CSNK2A1: variants seen among roughly 807,000 people sequenced by gnomAD.
CSNK2A1 encodes the protein casein kinase 2 alpha 1.
A neutral mutation model predicts 62.9 loss-of-function variants in CSNK2A1; 10 were observed. That is an observed-to-expected ratio of 0.16 (90% CI 0.10 to 0.27). The LOEUF (loss-of-function observed/expected upper bound fraction) is 0.27, where lower values mean the gene tolerates loss of function less well. CSNK2A1 is among the 10% of genes least tolerant of loss of function. The pLI, the probability that CSNK2A1 is intolerant of heterozygous loss-of-function variation, is 1.00. For synonymous variants in CSNK2A1, 124 were observed against 167.8 expected, an observed-to-expected ratio of 0.74 and a Z score of 2.02; for missense variants, 160 against 492.0, an observed-to-expected ratio of 0.33 and a Z score of 6.38.
chr20:491,748 C>A (rs1411233354), intron 9 of CSNK2A1, among the ~76,000 whole-genome samples: 2 of 151,888 alleles, frequency 1.3e-5, no homozygotes, highest in African/African-American at 4.8e-5. Context: ...ACAGTGAAAC[C>A]CAGTCTCTAC....
In CSNK2A1 at chr20:482,403, C is replaced by CAAA. The variant is rs2017971846; in HGVS notation, c.*1557_*1558insTTT. 2 of 152,104 alleles carry CAAA rather than the reference C, an allele frequency of 1.3e-5. No homozygotes were observed. Among genetic ancestry groups the CAAA allele is most frequent in the African/African-American group, 4.8e-5 (2 of 41,398 alleles). The allele number at this position is 152,104 out of a possible 1,614,324, so 9.4% of individuals were successfully genotyped here. A position where few individuals can be genotyped will look rare whatever the true frequency, so the allele number is the denominator to read the frequency against. ...GGATTACAGTGGAAAGTCCACTTTACACACACACACAAACACACAAAAACT... is the reference window on the plus strand; with the variant it reads ...GGATTACAGTGGAAAGTCCACTTTACAAAACACACACACAAACACACAAAAACT... On this transcript the variant is annotated 3_prime_UTR_variant, in exon 14 of 14. Transcript: ENST00000217244.
In CSNK2A1 at chr20:481,560, A is replaced by G. The variant is rs1316327037; in HGVS notation, c.*2401T>C. The G allele has an allele frequency of 1.5e-5, 2 of 135,374 alleles. No homozygotes were observed. The highest frequency in any genetic ancestry group is 3.0e-5 in the Non-Finnish European group (2 of 66,188). 8.4% of individuals were successfully genotyped at this position (135,374 alleles called of 1,614,324 possible). ...GCTTCTGCAGTGACTCTTAAGTAGC[A>G]TTTTTAAAAACTTCTATTTATTTTA... On this transcript the variant is annotated 3_prime_UTR_variant, in exon 14 of 14. Coordinates refer to ENST00000217244, the MANE Select transcript of CSNK2A1 (RefSeq NM_177559.3).
At position 481,019 on chromosome 20, in the gene CSNK2A1, C is replaced by T. The variant is rs1357128399; in HGVS notation, c.*2942G>A. The stretch of plus-strand genomic sequence containing the variant: ...GTAAGCTGGACAGGCATTTCAAGTA[C>T]AAGAAACAGAATTCAAAACGTGAAA... On this transcript the variant is annotated 3_prime_UTR_variant, in exon 14 of 14. Transcript: ENST00000217244. 3 of 152,140 alleles carry T rather than the reference C, an allele frequency of 2.0e-5. No individual in the cohort carries two copies. The highest frequency in any genetic ancestry group is 7.2e-5 in the African/African-American group (3 of 41,428). 9.4% of individuals were successfully genotyped at this position (152,140 alleles called of 1,614,324 possible).
intron 2 of CSNK2A1, among the ~76,000 whole-genome samples, chr20:527,535 CCACTATGAAGCA>C (rs2019123097): frequency 6.6e-6 from 1 of 152,180 alleles, no homozygotes; most frequent in Non-Finnish European, 1.5e-5. Context: ...AACTTTACAT[CCACTATGAAGCA>C]CACTATGAAG....
chr20:522,156 A>G (rs1209832728), intron 2 of CSNK2A1, among the ~76,000 whole-genome samples: 3 of 152,214 alleles, frequency 2.0e-5, no homozygotes, highest in African/African-American at 4.8e-5. Context: ...TAGGAGGTGG[A>G]GCTCAATTTT....
In CSNK2A1 at chr20:481,947, T is replaced by C. The variant is rs1235453523; in HGVS notation, c.*2014A>G. ...TACAATAAATATCCACTGTAAGTGG[T>C]CATAAGGAAGAAAATCACCCTGCCA... On this transcript the variant is annotated 3_prime_UTR_variant, in exon 14 of 14. Coordinates refer to ENST00000217244, the MANE Select transcript of CSNK2A1 (RefSeq NM_177559.3). The C allele has an allele frequency of 6.6e-6, 1 of 152,148 alleles. No individual in the cohort carries two copies. The highest frequency in any genetic ancestry group is 2.4e-5 in the African/African-American group (1 of 41,432). The allele number at this position is 152,148 out of a possible 1,614,324, so 9.4% of individuals were successfully genotyped here.
chr20:526,983 G>GAA (rs1491376807), intron 2 of CSNK2A1: 1 of 138,034 alleles, frequency 7.2e-6, no homozygotes, highest in South Asian at 2.5e-4. Flanking sequence ...GAGAGAGAGA[G>GAA]AAAGAGAGAG....
At position 519,818 on chromosome 20, in the gene CSNK2A1, C is replaced by G. The variant is rs2018907797; in HGVS notation, c.-110+8115G>C. ...AAAAGAGGAAAATTTACAGACAGCT[C>G]CAAACAAACACTGATTATACAAAAG... On this transcript the variant is annotated intron_variant, in intron 2 of 13. Coordinates refer to ENST00000217244, the MANE Select transcript of CSNK2A1 (RefSeq NM_177559.3). Among the ~76,000 whole-genome samples the G allele has an allele frequency of 2.0e-5, 3 of 152,046 alleles. No homozygotes were observed. The South Asian group carries it at 6.2e-4, about 32-fold the overall frequency.
chr20:509,778 T>C (rs186687106), intron 2 of CSNK2A1, among the ~76,000 whole-genome samples: 5 of 152,260 alleles, frequency 3.3e-5, no homozygotes, highest in African/African-American at 1.2e-4. Context: ...TGTTTCACCA[T>C]GTTGCCCAGG....
At chr20:542,339 A>G (rs894957323) in intron 1 of CSNK2A1, among the ~76,000 whole-genome samples, 1 of 152,250 alleles carries the variant, frequency 6.6e-6, no homozygotes, top group Non-Finnish European at 1.5e-5. Context: ...CTGATATTTG[A>G]GAACCTAGGC....
intron 2 of CSNK2A1, chr20:526,993 GAGACAGAC>G (rs1449540536): frequency 8.5e-6 from 1 of 117,924 alleles, no homozygotes; most frequent in Non-Finnish European, 1.7e-5. Context: ...GAAAGAGAGA[GAGACAGAC>G]AGAGAGAGAG....
intron 9 of CSNK2A1, 149 bp from the exon 10 acceptor site, chr20:490,030 CTTTCTT>C: frequency 1.6e-6 from 1 of 617,118 alleles, no homozygotes. Context: ...TCTTTTTAGT[CTTTCTT>C]TTTTTTTTTT....
chr20:490,302 C>CAG lies in CSNK2A1; in HGVS notation c.622-423_622-422dup, dbSNP rs552845632. Among the ~76,000 whole-genome samples the CAG allele has an allele frequency of 3.3e-4, 46 of 139,832 alleles. No individual in the cohort carries two copies. In the South Asian group the frequency reaches 8.4e-3, roughly 26 times the overall value. The allele number at this position is 139,832 out of a possible 152,430, so 91.7% of individuals were successfully genotyped here. ...TCAGGTTCCCAAAGTGCTAGGATTA[C>CAG]AGGCATGACCCACCGTGCCTGGCTA... On this transcript the variant is annotated intron_variant, in intron 9 of 13. Coordinates refer to ENST00000217244, the MANE Select transcript of CSNK2A1 (RefSeq NM_177559.3).
intron 2 of CSNK2A1, among the ~76,000 whole-genome samples, chr20:527,648 GTT>G (rs768250585): frequency 6.6e-5 from 10 of 152,204 alleles, no homozygotes; most frequent in South Asian, 2.1e-4. Flanking sequence ...CACTGAATGT[GTT>G]TTGTTTACAT....
intron 2 of CSNK2A1, among the ~76,000 whole-genome samples, chr20:511,703 T>TACAC (rs61288887): frequency 0.011 from 1,727 of 151,016 alleles, 19 homozygotes; most frequent in South Asian, 0.044. Flanking sequence ...TGTATATATA[T>TACAC]ACACACACAC....
intron 13 of CSNK2A1, among the ~76,000 whole-genome samples, chr20:485,086 AAAAAAAAAAAAAAAAAAAAAAAAATAT>A (rs2018047286): frequency 1.1e-4 from 4 of 35,940 alleles, no homozygotes; most frequent in East Asian, 1.5e-3. Flanking sequence ...AAAAAAAAAA[AAAAAAAAAAAAAAAAAAAAAAAAATAT>A]ATATATATAT....
chr20:535,034 CAAAAAAAAAAAA>C (rs11469217), intron 1 of CSNK2A1, among the ~76,000 whole-genome samples: 29 of 50,792 alleles, frequency 5.7e-4, no homozygotes, highest in Admixed American at 2.4e-3. Context: ...TGCTATCTCC[CAAAAAAAAAAAA>C]AAAAAAAAAA....
At chr20:521,653 C>G (rs747287065) in intron 2 of CSNK2A1, among the ~76,000 whole-genome samples, 4 of 152,172 alleles carry the variant, frequency 2.6e-5, no homozygotes, top group Non-Finnish European at 5.9e-5. Flanking sequence ...CAGAAACAAC[C>G]AAGGTGTCCA....
intron 4 of CSNK2A1, 112 bp downstream of exon 4, chr20:505,002 TTTTA>T: frequency 1.2e-6 from 1 of 826,856 alleles, no homozygotes; most frequent in Non-Finnish European, 1.9e-6. Context: ...TACAATAAAA[TTTTA>T]TTTATTTGCT....
Sources: gnomAD v4.1 joint callset for allele counts (sites outside exome capture counted in the v4.1 genomes callset) on GRCh38, gnomAD v4.1.1 for gene constraint, MANE v1.5 for transcripts, NCBI Gene and HGNC (gene_info 2026-07-23, HGNC 2026-07-21) for gene names.